Variants in SLC35F3 observed in about 807,000 individuals in gnomAD.
The protein encoded by SLC35F3 is solute carrier family 35 member F3, also known as putative thiamine transporter SLC35F3.
SLC35F3 carries 25 observed loss-of-function variants against 49.9 expected under a neutral mutation model. The ratio of observed to expected loss-of-function variants is 0.50; its 90% CI spans 0.37 to 0.70. The LOEUF is 0.70. Among genes scored for constraint, SLC35F3 ranks in the 30% least tolerant of loss-of-function variants. SLC35F3 has a pLI of 0.00. For synonymous variants in SLC35F3, 275 were observed against 265.4 expected, an observed-to-expected ratio of 1.04 and a Z score of -0.35; for missense variants, 525 against 639.8, an observed-to-expected ratio of 0.82 and a Z score of 1.94.
At chr1:234,298,622 G>A (rs371704838) in intron 3 of SLC35F3, among the ~76,000 whole-genome samples, 1 of 152,062 alleles carries the variant, frequency 6.6e-6, no homozygotes, top group Non-Finnish European at 1.5e-5. Flanking sequence ...AAATTTCTGT[G>A]CCCCATTCCA....
chr1:234,310,839 A>G (rs910034198), intron 4 of SLC35F3, among the ~76,000 whole-genome samples: 3 of 152,216 alleles, frequency 2.0e-5, no homozygotes, highest in Non-Finnish European at 4.4e-5. Flanking sequence ...AAAAACTTGA[A>G]AAATACTCCT....
intron 2 of SLC35F3, among the ~76,000 whole-genome samples, chr1:234,136,595 G>A (rs768990330): frequency 1.3e-4 from 20 of 152,332 alleles, no homozygotes; most frequent in South Asian, 8.3e-4. Context: ...GGTCTCCCCA[G>A]CTAGACTATA....
At chr1:234,194,280 C>G (rs542501921) in intron 2 of SLC35F3, among the ~76,000 whole-genome samples, 28 of 152,276 alleles carry the variant, frequency 1.8e-4, no homozygotes, top group Admixed American at 1.8e-3. Flanking sequence ...AAGGAAAGAA[C>G]TAATGGCATT....
chr1:234,196,641 T>C (rs1460160915), intron 2 of SLC35F3, among the ~76,000 whole-genome samples: 1 of 152,256 alleles, frequency 6.6e-6, no homozygotes, highest in Non-Finnish European at 1.5e-5. Context: ...TGCTGTATCC[T>C]GTCAAAGACA....
chr1:234,114,632 T>C (rs184705640), intron 2 of SLC35F3, among the ~76,000 whole-genome samples: 38 of 152,362 alleles, frequency 2.5e-4, no homozygotes, highest in African/African-American at 8.9e-4. Flanking sequence ...GATTTAATTC[T>C]TTTAATGTGT....
chr1:234,067,224 G>A (rs919447156), intron 2 of SLC35F3, among the ~76,000 whole-genome samples: 1 of 151,960 alleles, frequency 6.6e-6, no homozygotes, highest in African/African-American at 2.4e-5. Flanking sequence ...TCAACTTAGG[G>A]GTTTATATTT....
intron 2 of SLC35F3, among the ~76,000 whole-genome samples, chr1:234,211,899 C>A (rs1275204673): frequency 6.6e-6 from 1 of 152,224 alleles, no homozygotes; most frequent in East Asian, 1.9e-4. Context: ...GGCAGTGTCC[C>A]CACCCAAATC....
intron 2 of SLC35F3, among the ~76,000 whole-genome samples, chr1:234,002,702 G>A (rs961460418): frequency 3.3e-5 from 5 of 152,110 alleles, no homozygotes; most frequent in African/African-American, 1.2e-4. Flanking sequence ...CATACTTGTT[G>A]GAAGGAAGTT....
In SLC35F3 at chr1:234,195,969, T is replaced by C. The variant is rs190156361; in HGVS notation, c.284-35448T>C. On this transcript the variant is annotated intron_variant, in intron 2 of 7. Coordinates refer to ENST00000366618, the MANE Select transcript of SLC35F3 (RefSeq NM_173508.4). Reference sequence around the variant, plus strand: ...GTGAGGACTCCCCAGCCACGTGGAATTGTGAGTCCATTAAACCTCTTTTTC... The same window carrying C: ...GTGAGGACTCCCCAGCCACGTGGAACTGTGAGTCCATTAAACCTCTTTTTC... Among the ~76,000 whole-genome samples, 4 of 152,202 alleles carry C rather than the reference T, an allele frequency of 2.6e-5. No individual in the cohort carries two copies. The South Asian group carries it at 6.2e-4, about 24-fold the overall frequency.
intron 2 of SLC35F3, among the ~76,000 whole-genome samples, chr1:233,929,242 G>A (rs777838842): frequency 2.2e-4 from 34 of 152,160 alleles, no homozygotes; most frequent in Admixed American, 2.6e-4. Flanking sequence ...AATTCCGTTG[G>A]TGTCATAGAC....
intron 2 of SLC35F3, among the ~76,000 whole-genome samples, chr1:234,136,246 CTCTT>C (rs980746194): frequency 7.7e-6 from 1 of 129,624 alleles, no homozygotes; most frequent in Non-Finnish European, 1.6e-5. Flanking sequence ...TCCTCTCTTT[CTCTT>C]TCTTTTTCTG....
intron 2 of SLC35F3, among the ~76,000 whole-genome samples, chr1:233,959,227 C>T (rs956929040): frequency 1.4e-5 from 2 of 143,376 alleles, no homozygotes; most frequent in African/African-American, 5.3e-5. Context: ...ATTAAAGTTA[C>T]TTATCACTGA....
rs535330726 is a variant in SLC35F3 at position 233,923,232 on chromosome 1, C to T, written c.283+17474C>T. 8.5e-5 allele frequency among the ~76,000 whole-genome samples: 13 copies of T among 152,224 alleles called. No homozygotes were observed. The South Asian group carries it at 1.2e-3, about 15-fold the overall frequency. On this transcript the variant is annotated intron_variant, in intron 2 of 7. Transcript: ENST00000366618. ...GTATGGCATTGAATCTATAAATTACCTTGGGCAGTATGGCCATTTTCATGA... is the reference window on the plus strand; with the variant it reads ...GTATGGCATTGAATCTATAAATTACTTTGGGCAGTATGGCCATTTTCATGA...
intron 2 of SLC35F3, among the ~76,000 whole-genome samples, chr1:233,961,195 G>A (rs908074574): frequency 1.1e-4 from 17 of 152,062 alleles, no homozygotes; most frequent in African/African-American, 3.9e-4. Flanking sequence ...TATAACCTAC[G>A]AGTATCCGCT....
chr1:234,003,227 G>T (rs1003921098), intron 2 of SLC35F3, among the ~76,000 whole-genome samples: 1 of 150,168 alleles, frequency 6.7e-6, no homozygotes, highest in Non-Finnish European at 1.5e-5. Flanking sequence ...AGAAATATAT[G>T]AAATATTTTG....
At chr1:234,056,970 A>G (rs1664465379) in intron 2 of SLC35F3, among the ~76,000 whole-genome samples, 2 of 152,222 alleles carry the variant, frequency 1.3e-5, no homozygotes, top group Admixed American at 1.3e-4. Flanking sequence ...AGTTAACCAT[A>G]GATGTATGGG....
rs746811160 is a variant in SLC35F3, at chr1:233,957,684, G to A, written c.283+51926G>A. Among the ~76,000 whole-genome samples, 26 of 152,014 alleles carry A rather than the reference G, an allele frequency of 1.7e-4. No individual in the cohort carries two copies. The highest frequency in any genetic ancestry group is 3.5e-4 in the Non-Finnish European group (24 of 68,002). On this transcript the variant is annotated intron_variant, in intron 2 of 7. Coordinates refer to ENST00000366618, the MANE Select transcript of SLC35F3 (RefSeq NM_173508.4). This position sits in a 1 kb window ranked among gnomAD's most constrained non-coding sequence, Gnocchi z 4.0. Reference sequence around the variant, plus strand: ...ACAAAAATTAGTTAGGCATGGTGGTGGGTGCCTGTACTCCCAGCTACTTGG... The same window carrying A: ...ACAAAAATTAGTTAGGCATGGTGGTAGGTGCCTGTACTCCCAGCTACTTGG...
At chr1:233,926,194 G>A (rs1662157372) in intron 2 of SLC35F3, among the ~76,000 whole-genome samples, 1 of 152,078 alleles carries the variant, frequency 6.6e-6, no homozygotes, top group African/African-American at 2.4e-5. Flanking sequence ...TGCTAGATTG[G>A]GGAAGTTCTC....
chr1:234,030,013 T>A (rs1664035663), intron 2 of SLC35F3, among the ~76,000 whole-genome samples: 1 of 152,230 alleles, frequency 6.6e-6, no homozygotes, highest in Non-Finnish European at 1.5e-5. Context: ...ACTAATAATA[T>A]TCAAATAATG....
Sources: allele counts gnomAD v4.1 joint callset (sites outside exome capture counted in the v4.1 genomes callset), GRCh38; gene constraint gnomAD v4.1.1; non-coding constraint Gnocchi (gnomAD v3.1); transcripts MANE v1.5; gene names NCBI Gene and HGNC (gene_info 2026-07-23, HGNC 2026-07-21).